TRHDE: variants seen among roughly 807,000 people sequenced by gnomAD.
TRHDE encodes thyrotropin releasing hormone degrading enzyme, also known as thyrotropin-releasing hormone-degrading ectoenzyme.
Under a neutral mutation model 125.7 loss-of-function variants are expected in TRHDE, and 72 were observed. That is an observed-to-expected ratio of 0.57 (90% confidence interval 0.47 to 0.70). The LOEUF is 0.70. TRHDE is among the 30% of genes least tolerant of loss of function. The pLI is 0.00. For missense variants in TRHDE, 1,110 were observed against 1,327.1 expected, an observed-to-expected ratio of 0.84 and a Z score of 2.54; for synonymous variants, 509 against 509.1, an observed-to-expected ratio of 1.00 and a Z score of 0.00.
intron 2 of TRHDE, among the ~76,000 whole-genome samples, chr12:72,181,684 G>T (rs988937119): frequency 2.0e-5 from 3 of 152,020 alleles, no homozygotes; most frequent in Non-Finnish European, 4.4e-5. Flanking sequence ...TTCATTGACT[G>T]GAGACTAGTT....
At chr12:72,150,103 A>C (rs1173371194) in intron 2 of TRHDE, among the ~76,000 whole-genome samples, 1 of 152,210 alleles carries the variant, frequency 6.6e-6, no homozygotes, top group Non-Finnish European at 1.5e-5. Flanking sequence ...TGAAGACCTC[A>C]GCTTTTATGG....
At chr12:72,225,558 T>C (rs1199127854) in intron 2 of TRHDE, among the ~76,000 whole-genome samples, 1 of 152,148 alleles carries the variant, frequency 6.6e-6, no homozygotes, top group Non-Finnish European at 1.5e-5. Flanking sequence ...AAGCTTTTCA[T>C]CCCAGTTTGG....
upstream of TRHDE, among the ~76,000 whole-genome samples, chr12:72,269,583 A>G (rs936727687): frequency 3.3e-5 from 5 of 152,196 alleles, no homozygotes; most frequent in African/African-American, 4.8e-5. Flanking sequence ...GAGGAAAGAG[A>G]TAACAGACTG....
chr12:72,459,768 C>T (rs1876037665), intron 3 of TRHDE, among the ~76,000 whole-genome samples: 1 of 152,090 alleles, frequency 6.6e-6, no homozygotes, highest in African/African-American at 2.4e-5. Flanking sequence ...TACAGGTTTG[C>T]ACCACCATGC....
At chr12:72,122,015 G>A (rs1314778671) in intron 2 of TRHDE, among the ~76,000 whole-genome samples, 2 of 151,942 alleles carry the variant, frequency 1.3e-5, no homozygotes, top group African/African-American at 4.8e-5. Context: ...TCCTGTCTTT[G>A]GCTTTGTGGT....
intron 2 of TRHDE, among the ~76,000 whole-genome samples, chr12:72,127,776 T>G (rs957472628): frequency 6.6e-6 from 1 of 152,148 alleles, no homozygotes; most frequent in Non-Finnish European, 1.5e-5. Flanking sequence ...CATCACACAA[T>G]ATACGTACAT....
chr12:72,230,843 A>C (rs1878232510), intron 2 of TRHDE, among the ~76,000 whole-genome samples: 3 of 152,198 alleles, frequency 2.0e-5, no homozygotes, highest in Admixed American at 2.0e-4. Flanking sequence ...TAAACTAGAA[A>C]ATACGGTAAT....
intron 7 of TRHDE, among the ~76,000 whole-genome samples, chr12:72,560,005 GA>G (rs756406724): frequency 2.6e-5 from 4 of 151,548 alleles, no homozygotes; most frequent in African/African-American, 2.4e-5. Flanking sequence ...TGGAATTAAT[GA>G]AAAAAAATAG....
chr12:72,446,150 C>CTTTTT (rs34777250), intron 3 of TRHDE, among the ~76,000 whole-genome samples: 2 of 133,274 alleles, frequency 1.5e-5, no homozygotes, highest in African/African-American at 2.8e-5. Flanking sequence ...TTGTGCATTT[C>CTTTTT]TTTTTTTTTT....
chr12:72,274,386 A>G (rs1274300264), intron 1 of TRHDE: 1 of 152,182 alleles, frequency 6.6e-6, no homozygotes, highest in African/African-American at 2.4e-5. Context: ...GTATTTTTAT[A>G]AAAAATTTCC....
intron 3 of TRHDE, among the ~76,000 whole-genome samples, chr12:72,447,851 T>C (rs1875374925): frequency 6.6e-6 from 1 of 152,052 alleles, no homozygotes; most frequent in Admixed American, 6.6e-5. Flanking sequence ...ACAGCACAGC[T>C]GAGAACCATG....
At chr12:72,563,152 G>A in intron 9 of TRHDE, 112 bp downstream of exon 9, 1 of 813,342 alleles carries the variant, frequency 1.2e-6, no homozygotes. Flanking sequence ...GTGAAATATA[G>A]TTTTTGTTTC....
rs539957995 is a variant in TRHDE at position 72,534,944 on chromosome 12, T to C, written c.1723-7347T>C. ...TGTAGAAGCTGATTATCTGGTCACA[T>C]GGAAAAAAGCATTGGTAAGTAGTGG... On this transcript the variant is annotated intron_variant, in intron 6 of 18. Transcript: ENST00000261180. Among the ~76,000 whole-genome samples the C allele has an allele frequency of 3.3e-5, 5 of 152,100 alleles. No homozygotes were observed. In the East Asian group the frequency reaches 9.7e-4, roughly 30 times the overall value.
In TRHDE at chr12:72,215,229, G is replaced by A. The variant is rs1877863155; in HGVS notation, n.279+109477G>A. On this transcript the variant is annotated intron_variant and non_coding_transcript_variant, in intron 2 of 4. Coordinates refer to the TRHDE transcript ENST00000548156. Reference sequence around the variant, plus strand: ...GGGTCGCAAGGTGCTCAGTGGGGGAGCTTTTTGAGCCAGGATGAGCCAGGA... The same window carrying A: ...GGGTCGCAAGGTGCTCAGTGGGGGAACTTTTTGAGCCAGGATGAGCCAGGA... Among the ~76,000 whole-genome samples the A allele has an allele frequency of 2.0e-5, 3 of 151,840 alleles. No homozygotes were observed. The South Asian group carries it at 6.2e-4, about 32-fold the overall frequency.
At chr12:72,152,296 G>C (rs1876387022) in intron 2 of TRHDE, among the ~76,000 whole-genome samples, 2 of 151,670 alleles carry the variant, frequency 1.3e-5, no homozygotes, top group South Asian at 4.2e-4. Context: ...GAGATTTCGG[G>C]CTGAGACGAT....
chr12:72,579,929 C>CT (rs1480783882), intron 12 of TRHDE, among the ~76,000 whole-genome samples: 2 of 152,052 alleles, frequency 1.3e-5, no homozygotes, highest in South Asian at 4.1e-4. Context: ...TAACTGCTCT[C>CT]TTTGTTCTTT....
At chr12:72,533,551 CTT>C (rs540841726) in intron 6 of TRHDE, among the ~76,000 whole-genome samples, 5 of 151,834 alleles carry the variant, frequency 3.3e-5, no homozygotes, top group Admixed American at 2.6e-4. Context: ...GTTTTAAAAA[CTT>C]TTTTCTGTAG....
chr12:72,314,399 G>A (rs1868702701), intron 2 of TRHDE, among the ~76,000 whole-genome samples: 1 of 133,482 alleles, frequency 7.5e-6, no homozygotes, highest in Admixed American at 8.3e-5. Context: ...CTTGCAATCT[G>A]TTACTCTGGA....
At chr12:72,258,405 T>C (rs1004148020) in intron 2 of TRHDE, among the ~76,000 whole-genome samples, 1 of 152,144 alleles carries the variant, frequency 6.6e-6, no homozygotes, top group Non-Finnish European at 1.5e-5. Flanking sequence ...TGTTATGTAA[T>C]TAGTTCATCT....
Sources: allele counts gnomAD v4.1 joint callset (sites outside exome capture counted in the v4.1 genomes callset), GRCh38; gene constraint gnomAD v4.1.1; transcripts MANE v1.5; gene names NCBI Gene and HGNC (gene_info 2026-07-23, HGNC 2026-07-21).